The following NUDCD1 variants were observed in gnomAD, a reference collection of about 807,000 sequenced individuals.
NUDCD1 encodes the protein NudC domain containing 1.
A neutral mutation model predicts 67.8 loss-of-function variants in NUDCD1; 60 were observed. The observed-to-expected ratio is 0.88, with a 90% CI of 0.72 to 1.10. The LOEUF is 1.10. NUDCD1 is among the 50% of genes least tolerant of loss of function. NUDCD1 has a pLI of 0.00. For missense variants in NUDCD1, 643 were observed against 695.0 expected (o/e 0.93, Z 0.84); for synonymous variants, 244 against 230.8 (o/e 1.06, Z -0.52).
chr8:109,266,590 G>A (rs1368978298), intron 8 of NUDCD1, among the ~76,000 whole-genome samples: 2 of 151,822 alleles, frequency 1.3e-5, no homozygotes, highest in Admixed American at 1.3e-4. Context: ...TCAAAATCTG[G>A]TTGTGTATTT....
chr8:109,319,706 A>G (rs1250557645), intron 2 of NUDCD1, among the ~76,000 whole-genome samples: 1 of 152,206 alleles, frequency 6.6e-6, no homozygotes, highest in Non-Finnish European at 1.5e-5. Flanking sequence ...TGTAGTATAC[A>G]AAGTGCTGTA....
intron 2 of NUDCD1, among the ~76,000 whole-genome samples, chr8:109,319,500 T>C (rs1478053292): frequency 6.6e-6 from 1 of 152,170 alleles, no homozygotes; most frequent in African/African-American, 2.4e-5. Flanking sequence ...TGAATATTCC[T>C]AGGGGAACAG....
chr8:109,309,378 G>A (rs1241276007), intron 2 of NUDCD1, among the ~76,000 whole-genome samples: 1 of 152,146 alleles, frequency 6.6e-6, no homozygotes, highest in Non-Finnish European at 1.5e-5. Context: ...CATCTCAATA[G>A]ATGCAGATAA....
At chr8:109,322,643 CAG>C (rs1563685539) in intron 1 of NUDCD1, among the ~76,000 whole-genome samples, 180 bp from the exon 2 acceptor site, 1 of 152,160 alleles carries the variant, frequency 6.6e-6, no homozygotes, top group East Asian at 1.9e-4. Context: ...AGAGGATAAA[CAG>C]TAAGTAAAAC....
At chr8:109,298,803 G>A (rs1403673597) in intron 2 of NUDCD1, 1 of 152,214 alleles carries the variant, frequency 6.6e-6, no homozygotes, top group Admixed American at 6.5e-5. Context: ...GCAGCCTGTG[G>A]AGCCTCGCAT....
At chr8:109,268,360 C>T (rs767156834) in intron 8 of NUDCD1, among the ~76,000 whole-genome samples, 1 of 152,172 alleles carries the variant, frequency 6.6e-6, no homozygotes, top group Non-Finnish European at 1.5e-5. Context: ...GTAACATTGC[C>T]TGTGACTATA....
At chr8:109,246,667 G>C (rs1813503919) in intron 8 of NUDCD1, among the ~76,000 whole-genome samples, 1 of 152,142 alleles carries the variant, frequency 6.6e-6, no homozygotes. Context: ...TGTAAGGATA[G>C]TCTTCTTTAT....
intron 8 of NUDCD1, among the ~76,000 whole-genome samples, chr8:109,268,768 C>T (rs1586263992): frequency 6.6e-6 from 1 of 152,266 alleles, no homozygotes; most frequent in East Asian, 1.9e-4. Context: ...ATTCAACAGC[C>T]TTCTATCAGT....
At chr8:109,303,201 C>A (rs1256801368) in intron 2 of NUDCD1, among the ~76,000 whole-genome samples, 1 of 152,210 alleles carries the variant, frequency 6.6e-6, no homozygotes, top group South Asian at 2.1e-4. Flanking sequence ...CGCCCAGCAG[C>A]CACTCCCAGA....
chr8:109,291,656 C>G (rs1222734057), intron 4 of NUDCD1, among the ~76,000 whole-genome samples: 1 of 151,776 alleles, frequency 6.6e-6, no homozygotes, highest in African/African-American at 2.4e-5. Context: ...AGAGAAGGAA[C>G]AAGATATAAA....
chr8:109,268,865 G>C (rs1042671553), intron 8 of NUDCD1, among the ~76,000 whole-genome samples: 4 of 152,070 alleles, frequency 2.6e-5, no homozygotes, highest in African/African-American at 9.7e-5. Flanking sequence ...TCACAATTCA[G>C]GGAATCATGT....
chr8:109,291,780 C>T (rs16879279), intron 4 of NUDCD1, among the ~76,000 whole-genome samples: 3,148 of 152,094 alleles, frequency 0.021, 102 homozygotes, highest in African/African-American at 0.07. Context: ...CGAAGACAAA[C>T]GGGATGGAGA....
intron 2 of NUDCD1, chr8:109,316,031 A>C (rs1212904430): frequency 6.6e-6 from 1 of 152,232 alleles, no homozygotes; most frequent in East Asian, 1.9e-4. Context: ...AGGCACTATA[A>C]GATGACACTC....
intron 2 of NUDCD1, among the ~76,000 whole-genome samples, chr8:109,311,559 G>GTGTGTGTATATATATATATATATA: frequency 1.2e-4 from 15 of 125,158 alleles, no homozygotes; most frequent in South Asian, 9.3e-4. Flanking sequence ...AAACTGTGGT[G>GTGTGTGTATATATATATATATATA]TATATATATA....
chr8:109,274,120 C>G (rs1379923882), intron 7 of NUDCD1, among the ~76,000 whole-genome samples: 1 of 151,990 alleles, frequency 6.6e-6, no homozygotes. Flanking sequence ...TTATTTTCCC[C>G]AAGATCACAA....
At chr8:109,326,206 T>C (rs942217326) in intron 1 of NUDCD1, among the ~76,000 whole-genome samples, 1 of 152,210 alleles carries the variant, frequency 6.6e-6, no homozygotes, top group Non-Finnish European at 1.5e-5. Context: ...CACTTCATGA[T>C]TGTTTCATTC....
intron 2 of NUDCD1, among the ~76,000 whole-genome samples, chr8:109,306,694 T>C (rs1187562229): frequency 6.6e-6 from 1 of 150,734 alleles, no homozygotes; most frequent in Admixed American, 6.6e-5. Flanking sequence ...TCCCAATTCT[T>C]AGTCCTTTAA....
chr8:109,305,193 T>C (rs1815075781), intron 2 of NUDCD1, among the ~76,000 whole-genome samples: 1 of 152,210 alleles, frequency 6.6e-6, no homozygotes, highest in Non-Finnish European at 1.5e-5. Context: ...AAATTGACTT[T>C]ACCCACATGC....
At chr8:109,259,743 T>A (rs570438532) in intron 8 of NUDCD1, among the ~76,000 whole-genome samples, 1 of 152,310 alleles carries the variant, frequency 6.6e-6, no homozygotes, top group East Asian at 1.9e-4. Flanking sequence ...AATTAAAGCA[T>A]AATGTGCTTT....
Sources: allele counts gnomAD v4.1 joint callset (sites outside exome capture counted in the v4.1 genomes callset), GRCh38; gene constraint gnomAD v4.1.1; transcripts MANE v1.5; gene names NCBI Gene and HGNC (gene_info 2026-07-23, HGNC 2026-07-21).